The following CCSER1 variants were observed in gnomAD, a reference collection of about 807,000 sequenced individuals.
CCSER1 encodes the protein coiled-coil serine rich protein 1.
A neutral mutation model predicts 82.0 loss-of-function variants in CCSER1; 41 were observed. That is an observed-to-expected ratio of 0.50 (90% CI 0.39 to 0.65). The LOEUF is 0.65. CCSER1 is among the 30% of genes least tolerant of loss of function. The pLI, the probability that CCSER1 is intolerant of heterozygous loss-of-function variation, is 0.00. For missense variants in CCSER1, 1,119 were observed against 1,064.2 expected, an observed-to-expected ratio of 1.05 and a Z score of -0.72; for synonymous variants, 414 against 383.9, an observed-to-expected ratio of 1.08 and a Z score of -0.92.
chr4:90,474,470 G>A (rs1764801967), intron 5 of CCSER1, among the ~76,000 whole-genome samples: 2 of 152,180 alleles, frequency 1.3e-5, no homozygotes, highest in African/African-American at 4.8e-5. Flanking sequence ...TATAGAGAAC[G>A]AATTAGATGT....
intron 10 of CCSER1, among the ~76,000 whole-genome samples, chr4:91,301,352 T>C (rs1328712289): frequency 6.6e-6 from 1 of 151,704 alleles, no homozygotes; most frequent in Non-Finnish European, 1.5e-5. Context: ...AATTGCAATA[T>C]TAAAAAGGAG....
intron 9 of CCSER1, among the ~76,000 whole-genome samples, chr4:90,994,193 GAGAT>G (rs60204074): frequency 0.57 from 86,361 of 151,204 alleles, 24,904 homozygotes; most frequent in East Asian, 0.8. Flanking sequence ...GCAACATGTA[GAGAT>G]GGAAACCCCA....
chr4:90,792,637 A>T (rs936634971), intron 7 of CCSER1, among the ~76,000 whole-genome samples: 2 of 152,196 alleles, frequency 1.3e-5, no homozygotes, highest in Non-Finnish European at 2.9e-5. Context: ...CAGACAGATA[A>T]AAGGCAGAAC....
intron 6 of CCSER1, among the ~76,000 whole-genome samples, chr4:90,710,172 A>G (rs1740274819): frequency 6.6e-6 from 1 of 152,092 alleles, no homozygotes; most frequent in Admixed American, 6.6e-5. Flanking sequence ...AGTTCCTTCT[A>G]GACTCTGGAT....
At chr4:90,563,039 A>T (rs1778967985) in intron 5 of CCSER1, among the ~76,000 whole-genome samples, 2 of 152,034 alleles carry the variant, frequency 1.3e-5, no homozygotes, top group South Asian at 4.1e-4. Flanking sequence ...ACCATTTCTA[A>T]AAATTATTCA....
intron 6 of CCSER1, among the ~76,000 whole-genome samples, chr4:90,639,644 C>T (rs1441939493): frequency 1.3e-5 from 2 of 151,960 alleles, no homozygotes; most frequent in Admixed American, 6.6e-5. Context: ...AGAGAAAAAT[C>T]AAGCATTACT....
At chr4:90,795,588 T>C (rs1166153359) in intron 7 of CCSER1, among the ~76,000 whole-genome samples, 3 of 152,210 alleles carry the variant, frequency 2.0e-5, no homozygotes, top group Non-Finnish European at 2.9e-5. Context: ...TTCAGGAGAA[T>C]GCTTCCAGCT....
intron 5 of CCSER1, among the ~76,000 whole-genome samples, chr4:90,471,235 A>G (rs186680394): frequency 6.6e-6 from 1 of 152,030 alleles, no homozygotes; most frequent in Admixed American, 6.6e-5. Flanking sequence ...AGTGGTTAGG[A>G]ATCCAGGCAT....
At chr4:90,281,034 A>G (rs1368903794) in intron 1 of CCSER1, among the ~76,000 whole-genome samples, 1 of 152,056 alleles carries the variant, frequency 6.6e-6, no homozygotes, top group Admixed American at 6.6e-5. Flanking sequence ...CTTCAAAAGT[A>G]TTTTAAACAC....
chr4:90,983,347 C>A (rs1403418204), intron 9 of CCSER1, among the ~76,000 whole-genome samples: 1 of 151,594 alleles, frequency 6.6e-6, no homozygotes, highest in Non-Finnish European at 1.5e-5. Context: ...TAATTTTTTT[C>A]TCTTTATGTA....
At chr4:90,901,847 G>A (rs1269020900) in intron 8 of CCSER1, among the ~76,000 whole-genome samples, 2 of 151,936 alleles carry the variant, frequency 1.3e-5, no homozygotes, top group Non-Finnish European at 2.9e-5. Context: ...TCTCTAGAAA[G>A]GTTAGGGAAA....
intron 10 of CCSER1, among the ~76,000 whole-genome samples, chr4:91,553,244 T>G (rs1198154787): frequency 6.6e-6 from 1 of 151,554 alleles, no homozygotes; most frequent in African/African-American, 2.4e-5. Flanking sequence ...CAGTGATGAA[T>G]CCCACTTGAT....
At chr4:90,609,983 T>C (rs1307550642) in intron 5 of CCSER1, among the ~76,000 whole-genome samples, 2 of 152,158 alleles carry the variant, frequency 1.3e-5, no homozygotes, top group Admixed American at 1.3e-4. Context: ...CCAGGCGCGG[T>C]GGCTCATGCC....
intron 8 of CCSER1, among the ~76,000 whole-genome samples, chr4:90,909,801 C>A (rs1004687270): frequency 8.5e-5 from 13 of 152,048 alleles, no homozygotes; most frequent in Admixed American, 7.9e-4. Context: ...TTGTATAATC[C>A]ATTATTAGTG....
At chr4:90,224,582 T>C (rs1442621606) in intron 1 of CCSER1, among the ~76,000 whole-genome samples, 4 of 152,240 alleles carry the variant, frequency 2.6e-5, no homozygotes, top group African/African-American at 9.6e-5. Flanking sequence ...ATGATTACAC[T>C]GTGGAACACA....
At chr4:91,577,111 C>T (rs1304091831) in intron 10 of CCSER1, among the ~76,000 whole-genome samples, 6 of 151,960 alleles carry the variant, frequency 3.9e-5, no homozygotes, top group African/African-American at 9.7e-5. Context: ...TGGAAAAGTA[C>T]GTTAAAATGA....
intron 5 of CCSER1, among the ~76,000 whole-genome samples, chr4:90,592,740 G>A (rs533836642): frequency 2.6e-5 from 4 of 151,988 alleles, no homozygotes; most frequent in South Asian, 2.1e-4. Context: ...GGAATTTAAA[G>A]TTCCCAGACA....
At chr4:90,462,754 A>G (rs1048558678) in intron 4 of CCSER1, among the ~76,000 whole-genome samples, 7 of 152,308 alleles carry the variant, frequency 4.6e-5, no homozygotes, top group African/African-American at 1.7e-4. Flanking sequence ...CATAAAGTAA[A>G]ACAGTTATAA....
chr4:91,398,769 T>A (rs1236389561), intron 10 of CCSER1, among the ~76,000 whole-genome samples: 2 of 151,690 alleles, frequency 1.3e-5, no homozygotes, highest in East Asian at 3.9e-4. Context: ...ATCAAGCCTA[T>A]TTTACTACCA....
Sources: gnomAD v4.1 joint callset for allele counts (sites outside exome capture counted in the v4.1 genomes callset) on GRCh38, gnomAD v4.1.1 for gene constraint, MANE v1.5 for transcripts, NCBI Gene and HGNC (gene_info 2026-07-23, HGNC 2026-07-21) for gene names.